The following KIT variants were observed in gnomAD, a reference collection of about 807,000 sequenced individuals.
KIT encodes the protein mast/stem cell growth factor receptor Kit.
A neutral mutation model predicts 105.7 loss-of-function variants in KIT; 16 were observed. That is an observed-to-expected ratio of 0.15 (90% CI 0.10 to 0.23). The LOEUF (loss-of-function observed/expected upper bound fraction) is 0.23. Ranked by LOEUF, KIT falls within the 10% of genes least tolerant of loss-of-function variation. KIT has a pLI of 1.00. For missense variants in KIT, 858 were observed against 1,213.8 expected (o/e 0.71, Z 4.36); for synonymous variants, 438 against 441.1 (o/e 0.99, Z 0.09).
At chr4:54,667,874 T>C (rs1000459538) in intron 1 of KIT, among the ~76,000 whole-genome samples, 2 of 152,204 alleles carry the variant, frequency 1.3e-5, no homozygotes, top group Non-Finnish European at 2.9e-5. Flanking sequence ...TATGGATATG[T>C]ATTTTGAGTT....
In KIT at chr4:54,723,717, GCA is replaced by G; in HGVS notation, c.1346+21_1346+22del. 7.0e-7 allele frequency: 1 copy of G among 1,420,764 alleles called. No homozygotes were observed. The highest frequency in any genetic ancestry group is 1.1e-5 in the South Asian group (1 of 87,190). 88.0% of individuals were successfully genotyped at this position (1,420,764 alleles called of 1,614,324 possible). A position where few individuals can be genotyped will look rare whatever the true frequency, so the allele number is the denominator to read the frequency against. On this transcript the variant is annotated intron_variant, in intron 8 of 20. Coordinates refer to ENST00000288135, the MANE Select transcript of KIT (RefSeq NM_000222.3). ...AGCAGAGGTGAGATGATTATTTTTG[GCA>G]CTGCTTATAATGCAGAGGGGAAGGA...
At chr4:54,687,357 G>T (rs190092830) in intron 1 of KIT, among the ~76,000 whole-genome samples, 2 of 152,018 alleles carry the variant, frequency 1.3e-5, no homozygotes, top group African/African-American at 4.8e-5. Flanking sequence ...AGAATTGCTT[G>T]AACCCAGGAG....
At position 54,737,237 on chromosome 4, in the gene KIT, T is replaced by C. The variant is rs1722971553; in HGVS notation, c.2759T>C (p.Ile920Thr). The change falls in exon 20 of 21, where the codon ATT becomes ACT. Residue 920 changes from isoleucine to threonine, a missense_variant. Ile to Thr is a moderately conservative substitution (Grantham distance 89). Around this residue, in one of 7 missense-constraint regions of KIT, gnomAD observed 105 missense variants for 103.5 expected, o/e 1.01. Transcript: ENST00000288135. The part of the protein sequence containing the change: ...DPLKRPTFKQ[I>T]VQLIEKQISE... The stretch of plus-strand genomic sequence containing the variant: ...CTAAAAAGACCAACATTCAAGCAAA[T>C]TGTTCAGCTAATTGAGAAGCAGATT... 1 of 1,613,826 alleles carries C rather than the reference T, an allele frequency of 6.2e-7. No homozygotes were observed. The highest frequency in any genetic ancestry group is 8.5e-7 in the Non-Finnish European group (1 of 1,179,850).
At chr4:54,713,042 A>G (rs1163893515) in intron 7 of KIT, among the ~76,000 whole-genome samples, 1 of 150,008 alleles carries the variant, frequency 6.7e-6, no homozygotes, top group African/African-American at 2.4e-5. Flanking sequence ...CTTTAGAGAT[A>G]TAGTTAGCTG....
chr4:54,739,803 G>C lies in KIT; in HGVS notation c.*1246G>C. 1 of 233,534 alleles carries C rather than the reference G, an allele frequency of 4.3e-6. No individual in the cohort carries two copies. The highest frequency in any genetic ancestry group is 8.5e-6 in the Non-Finnish European group (1 of 117,960). The allele number at this position is 233,534 out of a possible 1,614,324, so 14.5% of individuals were successfully genotyped here. On this transcript the variant is annotated 3_prime_UTR_variant, in exon 21 of 21. Transcript: ENST00000288135. ...TTGTTTCTTTTCACATAGCTGTCTA[G>C]AGTAGCTTACCAGAAGCTTCCATAG...
intron 7 of KIT, among the ~76,000 whole-genome samples, chr4:54,722,432 G>A (rs1201179407): frequency 6.6e-6 from 1 of 152,160 alleles, no homozygotes; most frequent in Admixed American, 6.5e-5. Flanking sequence ...CAAAAATTTA[G>A]AGAGATGTAG....
chr4:54,680,467 C>T (rs961165931), intron 1 of KIT, among the ~76,000 whole-genome samples: 3 of 149,150 alleles, frequency 2.0e-5, no homozygotes, highest in African/African-American at 7.5e-5. Context: ...TCTCTGCTCA[C>T]TGCAACCTCC....
chr4:54,738,352 T>G, intron 20 of KIT, 77 bp from the exon 21 acceptor site: 1 of 1,544,464 alleles, frequency 6.5e-7, no homozygotes, highest in Non-Finnish European at 9.0e-7. Flanking sequence ...GTTGTGATCT[T>G]GACACTGTAA....
chr4:54,689,877 G>A (rs1455154884), intron 1 of KIT, among the ~76,000 whole-genome samples: 3 of 151,588 alleles, frequency 2.0e-5, no homozygotes, highest in African/African-American at 7.3e-5. Flanking sequence ...ATCCCCCACT[G>A]TACTCCCTCC....
intron 3 of KIT, among the ~76,000 whole-genome samples, chr4:54,698,931 T>C (rs990360009): frequency 6.6e-6 from 1 of 152,240 alleles, no homozygotes; most frequent in African/African-American, 2.4e-5. Context: ...CATTCTTTGA[T>C]TTACTATTGA....
Position 54,737,042 on chromosome 4 carries a change from A to G in KIT, c.2697-133A>G, listed in dbSNP as rs1423220757. ...TAATATTTCATACATGCAGTGTTTT[A>G]TGTTATCTATATGTCAGTCCATATG... On this transcript the variant is annotated intron_variant, in intron 19 of 20. Coordinates refer to ENST00000288135, the MANE Select transcript of KIT (RefSeq NM_000222.3). 5 of 742,876 alleles carry G rather than the reference A, an allele frequency of 6.7e-6. No individual in the cohort carries two copies. In the African/African-American group the frequency reaches 7.0e-5, roughly 10 times the overall value. The allele number at this position is 742,876 out of a possible 1,614,324, so 46.0% of individuals were successfully genotyped here. A position where few individuals can be genotyped will look rare whatever the true frequency, so the allele number is the denominator to read the frequency against.
intron 7 of KIT, among the ~76,000 whole-genome samples, chr4:54,718,780 T>G (rs1721660559): frequency 6.6e-6 from 1 of 152,226 alleles, no homozygotes; most frequent in African/African-American, 2.4e-5. Context: ...TTATTTTGTT[T>G]GTTAAATAAA....
intron 17 of KIT, among the ~76,000 whole-genome samples, chr4:54,735,442 C>G (rs982991238): frequency 1.3e-5 from 2 of 150,366 alleles, no homozygotes; most frequent in Admixed American, 1.3e-4. Flanking sequence ...ATTGATTTAG[C>G]TTTTTATGGC....
rs934991420 is a variant in KIT at position 54,739,883 on chromosome 4, C to T, written c.*1326C>T. ...CCTATGTATTTGCAGTTCACCTGCA[C>T]TTAAGGCACTCTGTTATTTAGACTC... On this transcript the variant is annotated 3_prime_UTR_variant, in exon 21 of 21. Transcript: ENST00000288135. The T allele has an allele frequency of 2.6e-5, 6 of 233,422 alleles. No individual in the cohort carries two copies. The highest frequency in any genetic ancestry group is 1.2e-3 in the Middle Eastern group (1 of 808). The allele number at this position is 233,422 out of a possible 1,614,324, so 14.5% of individuals were successfully genotyped here.
intron 8 of KIT, among the ~76,000 whole-genome samples, chr4:54,724,755 C>A (rs548662672): frequency 5.4e-5 from 8 of 148,636 alleles, no homozygotes; most frequent in Non-Finnish European, 1.0e-4. Flanking sequence ...AGCTGATGAG[C>A]TAAAAAAAAA....
At chr4:54,702,204 C>T (rs1163507756) in intron 4 of KIT, among the ~76,000 whole-genome samples, 1 of 151,940 alleles carries the variant, frequency 6.6e-6, no homozygotes, top group Non-Finnish European at 1.5e-5. Context: ...TCATAGATAG[C>T]AATGCTGTGT....
At chr4:54,667,639 G>A (rs1302935721) in intron 1 of KIT, among the ~76,000 whole-genome samples, 3 of 152,210 alleles carry the variant, frequency 2.0e-5, no homozygotes, top group South Asian at 2.1e-4. Context: ...CCGACAGAAC[G>A]TCTGTAGAGA....
At chr4:54,666,336 G>A (rs1176036407) in intron 1 of KIT, among the ~76,000 whole-genome samples, 1 of 152,154 alleles carries the variant, frequency 6.6e-6, no homozygotes, top group Non-Finnish European at 1.5e-5. Context: ...CTGGAGTGCA[G>A]TGGTGTGATC....
chr4:54,699,865 CGTCTGTCAGAGGTGGATT>C, intron 4 of KIT, 99 bp downstream of exon 4: 1 of 1,308,572 alleles, frequency 7.6e-7, no homozygotes, highest in South Asian at 1.2e-5. Flanking sequence ...TCGACTAGTG[CGTCTGTCAGAGGTGGATT>C]GTCTGGGAGA....
Sources: allele counts gnomAD v4.1 joint callset (sites outside exome capture counted in the v4.1 genomes callset), GRCh38; gene constraint gnomAD v4.1.1; regional missense constraint gnomAD v4.1.1; transcripts MANE v1.5; gene names NCBI Gene and HGNC (gene_info 2026-07-23, HGNC 2026-07-21).